ST3GAL2: variants seen among roughly 807,000 people sequenced by gnomAD.
ST3GAL2 encodes CMP-N-acetylneuraminate-beta-galactosamide-alpha-2,3-sialyltransferase 2.
A neutral mutation model predicts 37.5 loss-of-function variants in ST3GAL2; 16 were observed. The ratio of observed to expected loss-of-function variants is 0.43; its 90% confidence interval spans 0.29 to 0.65. ST3GAL2 has a LOEUF of 0.65. ST3GAL2 is among the 30% of genes least tolerant of loss of function. The probability of loss-of-function intolerance (pLI) is 0.17; values close to 1 mark genes in which losing one functional copy is unlikely to be tolerated. For synonymous variants in ST3GAL2, 238 were observed against 202.9 expected (o/e 1.17, Z -1.47); for missense variants, 383 against 487.8 (o/e 0.79, Z 2.02).
chr16:70,407,297 C>G (rs1031140909), intron 1 of ST3GAL2, among the ~76,000 whole-genome samples: 2 of 152,074 alleles, frequency 1.3e-5, no homozygotes, highest in African/African-American at 4.8e-5. Context: ...CGTGCCACCA[C>G]GCCCAGCTAA....
At chr16:70,405,837 G>A (rs1307010991) in intron 1 of ST3GAL2, among the ~76,000 whole-genome samples, 1 of 151,874 alleles carries the variant, frequency 6.6e-6, no homozygotes, top group Non-Finnish European at 1.5e-5. Context: ...GAGGCAGGTG[G>A]ATCACGAGGT....
intron 1 of ST3GAL2, among the ~76,000 whole-genome samples, chr16:70,407,659 C>A (rs2047601894): frequency 3.9e-5 from 6 of 152,266 alleles, no homozygotes; most frequent in Middle Eastern, 3.4e-3. Flanking sequence ...CCTCCCAGTA[C>A]AAGGAACCTC....
intron 4 of ST3GAL2, 134 bp downstream of exon 4, chr16:70,388,233 T>A: frequency 8.8e-7 from 1 of 1,130,882 alleles, no homozygotes; most frequent in East Asian, 2.4e-5. Flanking sequence ...ACCCACCAAC[T>A]TAGGCCCTCC....
chr16:70,418,655 C>T (rs1392476878), intron 1 of ST3GAL2, among the ~76,000 whole-genome samples: 6 of 152,140 alleles, frequency 3.9e-5, no homozygotes, highest in Admixed American at 2.0e-4. Context: ...TCACAGAACA[C>T]GGGTCAGTCC....
intron 1 of ST3GAL2, among the ~76,000 whole-genome samples, chr16:70,423,410 T>C (rs1292184891): frequency 1.3e-5 from 2 of 152,078 alleles, no homozygotes; most frequent in Admixed American, 1.3e-4. Context: ...CTGGGGAGGC[T>C]GAGGCAGGGG....
At chr16:70,393,678 G>C (rs2047496709) in intron 3 of ST3GAL2, 1 of 152,156 alleles carries the variant, frequency 6.6e-6, no homozygotes, top group African/African-American at 2.4e-5. Context: ...CTCCCATTGG[G>C]GTATCAGCAG....
At chr16:70,392,579 G>C (rs1272903252) in intron 3 of ST3GAL2, among the ~76,000 whole-genome samples, 1 of 152,150 alleles carries the variant, frequency 6.6e-6, no homozygotes, top group Non-Finnish European at 1.5e-5. Context: ...GGCCAACTGA[G>C]GCAAGACCAG....
chr16:70,383,465 T>C (rs1175012438), intron 4 of ST3GAL2, among the ~76,000 whole-genome samples: 1 of 150,028 alleles, frequency 6.7e-6, no homozygotes, highest in Non-Finnish European at 1.5e-5. Context: ...ACAGCTGTTA[T>C]CCCAGCTACT....
At chr16:70,405,021 G>C (rs1277594287) in intron 1 of ST3GAL2, among the ~76,000 whole-genome samples, 1 of 140,614 alleles carries the variant, frequency 7.1e-6, no homozygotes, top group East Asian at 2.1e-4. Context: ...GACAGAGTGA[G>C]ACTCCATCTC....
chr16:70,434,167 A>C (rs1046266555), intron 1 of ST3GAL2, among the ~76,000 whole-genome samples: 2 of 152,198 alleles, frequency 1.3e-5, no homozygotes, highest in Non-Finnish European at 2.9e-5. Flanking sequence ...GGCCAGGCAC[A>C]GTGTCTCACA....
In ST3GAL2 at chr16:70,417,813, T is replaced by TG. The variant is rs919498584; in HGVS notation, c.-1003-18281dup. On this transcript the variant is annotated intron_variant, in intron 1 of 6. Coordinates refer to ENST00000342907, the MANE Select transcript of ST3GAL2 (RefSeq NM_006927.4). ...AGTGTATGGGGTGGCATGGCGTGGCTGGGGGGGCGGGGGGAATGTTAGAAG... is the reference window on the plus strand; with the variant it reads ...AGTGTATGGGGTGGCATGGCGTGGCTGGGGGGGGCGGGGGGAATGTTAGAAG... Among the ~76,000 whole-genome samples, 38 of 102,120 alleles carry TG rather than the reference T, an allele frequency of 3.7e-4. No homozygotes were observed. In the South Asian group the frequency reaches 4.9e-3, roughly 13 times the overall value. The allele number at this position is 102,120 out of a possible 152,430, so 67.0% of individuals were successfully genotyped here. A position where few individuals can be genotyped will look rare whatever the true frequency, so the allele number is the denominator to read the frequency against.
At chr16:70,417,612 T>C (rs2047684871) in intron 1 of ST3GAL2, among the ~76,000 whole-genome samples, 2 of 152,196 alleles carry the variant, frequency 1.3e-5, no homozygotes, top group African/African-American at 2.4e-5. Context: ...GCTATTATAA[T>C]AAGGAGTTTC....
chr16:70,398,154 TG>T, intron 2 of ST3GAL2, 37 bp downstream of exon 2: 1 of 1,594,218 alleles, frequency 6.3e-7, no homozygotes, highest in African/African-American at 1.3e-5. Flanking sequence ...GCTCTAAAAC[TG>T]GGGGACAGAT....
rs368389500 is a variant in ST3GAL2, at chr16:70,395,522, T to A, written c.340-347A>T. ...TGGGCCACGGAGCAGAGCAGCCTCCTTCAGGGGATCCTTCCTGGTCAGCCT... is the reference window on the plus strand; with the variant it reads ...TGGGCCACGGAGCAGAGCAGCCTCCATCAGGGGATCCTTCCTGGTCAGCCT... On this transcript the variant is annotated intron_variant, in intron 2 of 6. Coordinates refer to ENST00000342907, the MANE Select transcript of ST3GAL2 (RefSeq NM_006927.4). Among the ~76,000 whole-genome samples, 12 of 152,288 alleles carry A rather than the reference T, an allele frequency of 7.9e-5. No homozygotes were observed. In the East Asian group the frequency reaches 1.7e-3, roughly 22 times the overall value.
At chr16:70,403,796 G>A (rs1443056302) in intron 1 of ST3GAL2, among the ~76,000 whole-genome samples, 1 of 152,144 alleles carries the variant, frequency 6.6e-6, no homozygotes, top group African/African-American at 2.4e-5. Flanking sequence ...TGGTGACAGA[G>A]TGAGACACTG....
rs1025505987 is a variant in ST3GAL2 at position 70,381,463 on chromosome 16, G to A, written c.*226C>T. On this transcript the variant is annotated 3_prime_UTR_variant, in exon 7 of 7. Transcript: ENST00000342907. Reference sequence around the variant, plus strand: ...ATTGGAGGAGACTGGACACAGCGCCGGAAGTTTTCCTTGAGTCACATGATT... The same window carrying A: ...ATTGGAGGAGACTGGACACAGCGCCAGAAGTTTTCCTTGAGTCACATGATT... The A allele has an allele frequency of 2.0e-5, 12 of 585,758 alleles. No homozygotes were observed. In the East Asian group the frequency reaches 2.7e-4, roughly 13 times the overall value. The allele number at this position is 585,758 out of a possible 1,614,324, so 36.3% of individuals were successfully genotyped here.
chr16:70,387,905 A>AG (rs770826378), intron 4 of ST3GAL2, among the ~76,000 whole-genome samples: 17 of 152,042 alleles, frequency 1.1e-4, no homozygotes, highest in Non-Finnish European at 2.1e-4. Context: ...ATCTGAGGTC[A>AG]GGAGTTCCAG....
At chr16:70,435,193 A>C (rs1374602970) in intron 1 of ST3GAL2, among the ~76,000 whole-genome samples, 5 of 152,188 alleles carry the variant, frequency 3.3e-5, no homozygotes, top group Non-Finnish European at 5.9e-5. Flanking sequence ...GTGTCCCCCC[A>C]GTCATTACCA....
chr16:70,395,239 C>T, intron 2 of ST3GAL2, 64 bp from the exon 3 acceptor site: 1 of 1,453,722 alleles, frequency 6.9e-7, no homozygotes, highest in Admixed American at 2.1e-5. Context: ...AGGAGGGGCC[C>T]CGGCCTCCCC....
Sources: allele counts gnomAD v4.1 joint callset (sites outside exome capture counted in the v4.1 genomes callset), GRCh38; gene constraint gnomAD v4.1.1; transcripts MANE v1.5; gene names NCBI Gene and HGNC (gene_info 2026-07-23, HGNC 2026-07-21).